The following ATP10A variants were observed in gnomAD, a reference collection of about 807,000 sequenced individuals.
The protein encoded by ATP10A is ATPase phospholipid transporting 10A (putative).
ATP10A carries 111 observed loss-of-function variants against 147.8 expected under a neutral mutation model. The ratio of observed to expected loss-of-function variants is 0.75; its 90% CI spans 0.64 to 0.88. The LOEUF (loss-of-function observed/expected upper bound fraction) is 0.88, where lower values mean the gene tolerates loss of function less well. Among genes scored for constraint, ATP10A ranks in the 40% least tolerant of loss-of-function variants. ATP10A has a pLI of 0.00. For missense variants in ATP10A, 1,927 were observed against 1,959.0 expected (o/e 0.98, Z 0.31); for synonymous variants, 875 against 841.6 (o/e 1.04, Z -0.69).
intron 17 of ATP10A, among the ~76,000 whole-genome samples, chr15:25,682,922 T>C (rs941150897): frequency 6.6e-6 from 1 of 152,222 alleles, no homozygotes; most frequent in Admixed American, 6.5e-5. Flanking sequence ...TTTCAGTGGC[T>C]CAGTGGCTTC....
chr15:25,845,538 A>C (rs535094613), intron 1 of ATP10A, among the ~76,000 whole-genome samples: 1 of 152,286 alleles, frequency 6.6e-6, no homozygotes, highest in African/African-American at 2.4e-5. Flanking sequence ...GTGGGATGAC[A>C]TCTAGGCAAC....
intron 1 of ATP10A, among the ~76,000 whole-genome samples, chr15:25,806,352 G>A (rs1333677081): frequency 2.0e-5 from 3 of 147,700 alleles, no homozygotes; most frequent in South Asian, 2.2e-4. Flanking sequence ...TTGCTCTGTC[G>A]CCCAGGCTGG....
intron 2 of ATP10A, among the ~76,000 whole-genome samples, chr15:25,761,828 C>T (rs945312312): frequency 8.5e-5 from 13 of 152,150 alleles, no homozygotes; most frequent in African/African-American, 3.1e-4. Flanking sequence ...CTTGCTTTGT[C>T]TCAAATGAGA....
chr15:25,777,779 TTTC>T lies in ATP10A; in HGVS notation c.654+3237_654+3239del, dbSNP rs1048708450. On this transcript the variant is annotated intron_variant, in intron 2 of 20. Transcript: ENST00000555815. ...GATATCTGGCAATTTTTTTTCTTTC[TTTC>T]TTTTTTTTTTTTTGAGATGGGGTTT... Among the ~76,000 whole-genome samples the T allele has an allele frequency of 2.1e-4, 6 of 28,824 alleles. No homozygotes were observed. In the East Asian group the frequency reaches 2.2e-3, roughly 11 times the overall value. The allele number at this position is 28,824 out of a possible 152,430, so 18.9% of individuals were successfully genotyped here.
rs558902889 is a variant in ATP10A at position 25,817,511 on chromosome 15, G to A, written c.450-36288C>T. On this transcript the variant is annotated intron_variant, in intron 1 of 20. Transcript: ENST00000555815. ...ACTGAAATGCAAATATTAGCAATAT[G>A]GGGAAATACAACTTCACTTAGCATA... Among the ~76,000 whole-genome samples, 8 of 152,312 alleles carry A rather than the reference G, an allele frequency of 5.3e-5. No homozygotes were observed. In the South Asian group the frequency reaches 1.7e-3, roughly 32 times the overall value.
intron 2 of ATP10A, among the ~76,000 whole-genome samples, chr15:25,771,298 G>A (rs1009537116): frequency 1.6e-4 from 24 of 152,204 alleles, no homozygotes; most frequent in Admixed American, 1.0e-3. Context: ...AGCCCGGCAC[G>A]GCAGCTCACG....
chr15:25,824,452 C>T (rs1892021341), intron 1 of ATP10A, among the ~76,000 whole-genome samples: 3 of 133,782 alleles, frequency 2.2e-5, no homozygotes, highest in Admixed American at 1.6e-4. Context: ...CCAGCCTGGA[C>T]AAGGGAGCAA....
intron 1 of ATP10A, among the ~76,000 whole-genome samples, chr15:25,792,651 G>A (rs546095035): frequency 6.6e-6 from 1 of 152,272 alleles, no homozygotes; most frequent in Non-Finnish European, 1.5e-5. Context: ...TGAGGCCCGC[G>A]TTTAGAATTC....
Position 25,687,791 on chromosome 15 carries a change from C to T in ATP10A, c.3203G>A (p.Arg1068Gln), listed in dbSNP as rs763619413. The change falls in exon 16 of 21, where the codon CGA becomes CAA. Residue 1068 changes from arginine (R) to glutamine (Q), a missense_variant. Arg to Gln is a conservative substitution (Grantham distance 43). Coordinates refer to ENST00000555815, the MANE Select transcript of ATP10A (RefSeq NM_024490.4). The stretch of plus-strand genomic sequence containing the variant: ...AAGAATCAAGAGCCTCTCCAGGTAT[C>T]GGAATTTCGGCACTGCAAAGTCGCT... ...MASDFAVPKF[R>Q]YLERLLILHG... is the part of the protein sequence containing the mutation. 6.2e-6 allele frequency: 10 copies of T among 1,613,726 alleles called. No individual in the cohort carries two copies. Among genetic ancestry groups the T allele is most frequent in the African/African-American group, 2.7e-5 (2 of 74,904 alleles).
chr15:25,698,636 CA>C (rs1440280889), intron 13 of ATP10A, among the ~76,000 whole-genome samples: 1 of 151,990 alleles, frequency 6.6e-6, no homozygotes, highest in East Asian at 1.9e-4. Context: ...CCTACGTGTT[CA>C]AGGGTCAACT....
intron 1 of ATP10A, among the ~76,000 whole-genome samples, chr15:25,824,934 G>A (rs1317897013): frequency 1.3e-5 from 2 of 152,056 alleles, no homozygotes; most frequent in African/African-American, 4.8e-5. Flanking sequence ...GCTAAGGCAG[G>A]AGGTTCGCTT....
intron 1 of ATP10A, among the ~76,000 whole-genome samples, chr15:25,834,602 G>C (rs1474338558): frequency 6.6e-6 from 1 of 152,182 alleles, no homozygotes. Flanking sequence ...GCTCCAGCAA[G>C]TCTCCTCCTA....
rs537244093 is a variant in ATP10A, at chr15:25,744,445, T to C, written c.655-8304A>G. On this transcript the variant is annotated intron_variant, in intron 2 of 20. Transcript: ENST00000555815. ...AAAAAATCAATTTCCAGGTACAATG[T>C]CAGACACAGACTCAGGGATAACCAG... 3.9e-5 allele frequency among the ~76,000 whole-genome samples: 6 copies of C among 152,244 alleles called. No individual in the cohort carries two copies. In the South Asian group the frequency reaches 1.2e-3, roughly 32 times the overall value.
rs1053495923 is a variant in ATP10A, at chr15:25,725,037, T to G, written c.979+914A>C. 3.3e-5 allele frequency among the ~76,000 whole-genome samples: 5 copies of G among 152,170 alleles called. No individual in the cohort carries two copies. The East Asian group carries it at 9.6e-4, about 29-fold the overall frequency. On this transcript the variant is annotated intron_variant, in intron 5 of 20. Coordinates refer to ENST00000555815, the MANE Select transcript of ATP10A (RefSeq NM_024490.4). ...AGACTGGTACTGGTCCATGGCCTGT[T>G]AGGAACTGGGCAGCACAGCTGGAGG...
chr15:25,696,146 A>T (rs76968784), intron 13 of ATP10A, among the ~76,000 whole-genome samples: 2,020 of 152,280 alleles, frequency 0.013, 17 homozygotes, highest in Non-Finnish European at 0.018. Context: ...TGGGTCAGTG[A>T]CCAGTGCCCT....
At chr15:25,814,850 CAT>C (rs1371868369) in intron 1 of ATP10A, among the ~76,000 whole-genome samples, 2 of 152,208 alleles carry the variant, frequency 1.3e-5, no homozygotes, top group African/African-American at 4.8e-5. Context: ...GAGCCAGCCA[CAT>C]AGTCTGGTAC....
intron 1 of ATP10A, among the ~76,000 whole-genome samples, chr15:25,816,796 T>C (rs1227176686): frequency 1.3e-5 from 2 of 152,100 alleles, no homozygotes; most frequent in African/African-American, 2.4e-5. Flanking sequence ...AGATCTAAGA[T>C]CTCCACTTTT....
At chr15:25,789,249 C>G (rs1176954160) in intron 1 of ATP10A, among the ~76,000 whole-genome samples, 1 of 152,114 alleles carries the variant, frequency 6.6e-6, no homozygotes, top group Non-Finnish European at 1.5e-5. Context: ...GAGTGAGCCC[C>G]CATGCCTGGC....
intron 9 of ATP10A, among the ~76,000 whole-genome samples, chr15:25,714,531 G>A (rs906277154): frequency 1.3e-5 from 2 of 152,082 alleles, no homozygotes; most frequent in African/African-American, 4.8e-5. Flanking sequence ...CCTTCCTTGA[G>A]ATCGTCCGCT....
Sources: allele counts gnomAD v4.1 joint callset (sites outside exome capture counted in the v4.1 genomes callset), GRCh38; gene constraint gnomAD v4.1.1; transcripts MANE v1.5; gene names NCBI Gene and HGNC (gene_info 2026-07-23, HGNC 2026-07-21).